The following STAG3 variants were observed in gnomAD, a reference collection of about 807,000 sequenced individuals.
The protein encoded by STAG3 is cohesin subunit SA-3.
Under a neutral mutation model 160.7 loss-of-function variants are expected in STAG3, and 101 were observed. The ratio of observed to expected loss-of-function variants is 0.63; its 90% CI spans 0.54 to 0.74. The LOEUF (loss-of-function observed/expected upper bound fraction) is 0.74, where lower values mean the gene tolerates loss of function less well. Among genes scored for constraint, STAG3 ranks in the 30% least tolerant of loss-of-function variants. The pLI is 0.00. For synonymous variants in STAG3, 519 were observed against 585.0 expected (o/e 0.89, Z 1.63); for missense variants, 1,188 against 1,517.4 (o/e 0.78, Z 3.61).
chr7:100,182,352 C>T (rs879843533), intron 3 of STAG3, among the ~76,000 whole-genome samples, 160 bp downstream of exon 3: 1 of 150,628 alleles, frequency 6.6e-6, no homozygotes, highest in Admixed American at 6.6e-5. Context: ...GAGCGAGACT[C>T]CGTCTCAAAA....
intron 2 of STAG3, among the ~76,000 whole-genome samples, 184 bp from the exon 3 acceptor site, chr7:100,181,901 CAAAAA>C (rs3041317): frequency 1.4e-5 from 1 of 70,312 alleles, no homozygotes. Flanking sequence ...AACTCCGTCT[CAAAAA>C]AAAAAAAAAA....
chr7:100,215,609 A>AC (rs1802692952), downstream of STAG3, among the ~76,000 whole-genome samples: 1 of 152,078 alleles, frequency 6.6e-6, no homozygotes, highest in Non-Finnish European at 1.5e-5. Context: ...TTAAATACTA[A>AC]CCAAGCTAAG....
At position 100,201,768 on chromosome 7, in the gene STAG3, A is replaced by G. The variant is rs1433255851; in HGVS notation, c.2221-18A>G. ...CTCCTAACCCAAACCTCATTTTTCAAACCCTTTGTTGTTACAGGTTATCCT... is the reference window on the plus strand; with the variant it reads ...CTCCTAACCCAAACCTCATTTTTCAGACCCTTTGTTGTTACAGGTTATCCT... On this transcript the variant is annotated intron_variant, in intron 21 of 33. Coordinates refer to ENST00000615138, the MANE Select transcript of STAG3 (RefSeq NM_001282717.2). 24 of 1,613,414 alleles carry G rather than the reference A, an allele frequency of 1.5e-5. No homozygotes were observed. The highest frequency in any genetic ancestry group is 2.2e-5 in the East Asian group (1 of 44,878).
chr7:100,180,540 G>A lies in STAG3; in HGVS notation c.-17G>A, dbSNP rs770148175. ...TGGTCCTCATCTTCCTGGCCTCATA[G>A]CTCCTCCTCTCCAAGCATGTCTTCC... On this transcript the variant is annotated 5_prime_UTR_variant, in exon 2 of 34. Transcript: ENST00000615138. 4 of 1,511,386 alleles carry A rather than the reference G, an allele frequency of 2.6e-6. No individual in the cohort carries two copies. Among genetic ancestry groups the A allele is most frequent in the Non-Finnish European group, 3.7e-6 (4 of 1,086,020 alleles). The allele number at this position is 1,511,386 out of a possible 1,614,324, so 93.6% of individuals were successfully genotyped here.
chr7:100,213,820 G>A lies in STAG3; in HGVS notation c.3672+14G>A. On this transcript the variant is annotated intron_variant, in intron 33 of 33. Transcript: ENST00000615138. Reference sequence around the variant, plus strand: ...CTGGATATTGAGGTGAGTGTCCCCAGAGCAGGAGTTATGTATCCTTCGGAA... The same window carrying A: ...CTGGATATTGAGGTGAGTGTCCCCAAAGCAGGAGTTATGTATCCTTCGGAA... 1.2e-6 allele frequency: 2 copies of A among 1,614,180 alleles called. No homozygotes were observed. Among genetic ancestry groups the A allele is most frequent in the Non-Finnish European group, 1.7e-6 (2 of 1,179,992 alleles).
intron 29 of STAG3, among the ~76,000 whole-genome samples, chr7:100,208,064 C>T (rs554222116): frequency 2.6e-5 from 4 of 151,496 alleles, no homozygotes; most frequent in East Asian, 1.9e-4. Context: ...TGCAGTGAGC[C>T]GAGATTGTTC....
chr7:100,213,873 C>T (rs1370264113), intron 33 of STAG3, 67 bp downstream of exon 33: 33 of 1,613,382 alleles, frequency 2.0e-5, no homozygotes, highest in African/African-American at 2.7e-5. Flanking sequence ...GTGCACTCAT[C>T]AAATTGACAG....
intron 29 of STAG3, among the ~76,000 whole-genome samples, chr7:100,210,390 T>C (rs1340074975): frequency 6.6e-6 from 1 of 152,214 alleles, no homozygotes; most frequent in Admixed American, 6.5e-5. Flanking sequence ...GCAGTGAGAA[T>C]CTTTGGATTC....
At chr7:100,210,853 A>G (rs994160603) in intron 29 of STAG3, among the ~76,000 whole-genome samples, 158 bp from the exon 30 acceptor site, 1 of 152,222 alleles carries the variant, frequency 6.6e-6, no homozygotes. Flanking sequence ...TTTAGTACAT[A>G]GGGCTATGCC....
chr7:100,193,485 A>C (rs773001986), intron 8 of STAG3, among the ~76,000 whole-genome samples: 6 of 152,230 alleles, frequency 3.9e-5, no homozygotes, highest in Non-Finnish European at 7.3e-5. Context: ...TTCATTGTTT[A>C]GTGTAGCCAC....
chr7:100,188,636 A>G, intron 6 of STAG3, 107 bp downstream of exon 6: 1 of 1,144,078 alleles, frequency 8.7e-7, no homozygotes, highest in Non-Finnish European at 1.3e-6. Flanking sequence ...TAGAAGGAGG[A>G]ATTCAGTCTC....
In STAG3 at chr7:100,204,053, A is replaced by C; in HGVS notation, c.2733A>C (p.Glu911Asp). 6.2e-7 allele frequency: 1 copy of C among 1,614,036 alleles called. No homozygotes were observed. Among genetic ancestry groups the C allele is most frequent in the Non-Finnish European group, 8.5e-7 (1 of 1,179,934 alleles). The change falls in exon 26 of 34, where the codon GAA becomes GAC. Residue 911 changes from glutamate to aspartate, a missense_variant. By Grantham distance (45) the Glu-to-Asp change is conservative (BLOSUM62 2). This residue lies in a region of STAG3 where 647 missense variants were observed against 717.2 expected (regional missense o/e 0.90). Transcript: ENST00000615138. ...FYNDYGDIIK[E>D]TLTRARQIDR... ...ATGACTATGGTGACATTATCAAGGA[A>C]ACATTAACTAGAGCAAGGCAGATTG... is the stretch of plus-strand genomic sequence containing the variant.
intron 5 of STAG3, 80 bp downstream of exon 5, chr7:100,186,376 G>A (rs1325891057): frequency 5.4e-6 from 7 of 1,303,662 alleles, no homozygotes; most frequent in Non-Finnish European, 6.6e-6. Context: ...TAGATAAGTA[G>A]GATTAGACAT....
intron 30 of STAG3, 85 bp from the exon 31 acceptor site, chr7:100,211,350 C>G: frequency 2.6e-6 from 4 of 1,519,826 alleles, no homozygotes; most frequent in Non-Finnish European, 3.6e-6. Context: ...TCTCTCTGAG[C>G]TTTTCTCCCC....
chr7:100,185,173 T>C (rs572099917), intron 4 of STAG3, among the ~76,000 whole-genome samples: 2 of 152,228 alleles, frequency 1.3e-5, no homozygotes, highest in East Asian at 1.9e-4. Flanking sequence ...GCCCCTCTCA[T>C]AGCTGGGACT....
chr7:100,188,759 A>T, intron 6 of STAG3, 53 bp from the exon 7 acceptor site: 1 of 1,577,724 alleles, frequency 6.3e-7, no homozygotes, highest in Middle Eastern at 1.7e-4. Context: ...AGCCCCTATG[A>T]CTTCATGGAC....
chr7:100,203,189 T>C (rs1248632220), intron 25 of STAG3, among the ~76,000 whole-genome samples: 1 of 151,300 alleles, frequency 6.6e-6, no homozygotes, highest in Non-Finnish European at 1.5e-5. Context: ...TCTTTTCTTT[T>C]TTTTTTTTTT....
In STAG3 at chr7:100,202,566, A is replaced by G; in HGVS notation, c.2676A>G (p.Ser892=). Residue 892 remains serine (S), a synonymous_variant, in exon 25 of 34, where the codon TCA becomes TCG. Transcript: ENST00000615138. The part of the protein sequence containing the change: ...LYGVLEMDAA[S]DVFKHYNKFY... ...GGGTGCTGGAGATGGATGCAGCCTC[A>G]GATGTTTTCAAACACTACAACAAGG... is the stretch of plus-strand genomic sequence containing the variant. The G allele has an allele frequency of 6.2e-7, 1 of 1,613,974 alleles. No homozygotes were observed. Among genetic ancestry groups the G allele is most frequent in the African/African-American group, 1.3e-5 (1 of 75,022 alleles).
chr7:100,195,462 T>C, intron 9 of STAG3, 80 bp downstream of exon 9: 1 of 1,337,530 alleles, frequency 7.5e-7, no homozygotes, highest in Non-Finnish European at 1.0e-6. Flanking sequence ...TTTTCCCCCC[T>C]CCAACCCTTA....
Sources: gnomAD v4.1 joint callset for allele counts (sites outside exome capture counted in the v4.1 genomes callset) on GRCh38, gnomAD v4.1.1 for gene constraint, gnomAD v4.1.1 regional missense constraint, MANE v1.5 for transcripts, NCBI Gene and HGNC (gene_info 2026-07-23, HGNC 2026-07-21) for gene names.